The following PDE8B variants were observed in gnomAD, a reference collection of about 807,000 sequenced individuals.
PDE8B encodes high affinity cAMP-specific and IBMX-insensitive 3',5'-cyclic phosphodiesterase 8B.
A neutral mutation model predicts 101.3 loss-of-function variants in PDE8B; 26 were observed. The observed-to-expected ratio is 0.26, with a 90% CI of 0.19 to 0.36. PDE8B has a LOEUF of 0.36. Among genes scored for constraint, PDE8B ranks in the 10% least tolerant of loss-of-function variants. PDE8B has a pLI of 1.00. For synonymous variants in PDE8B, 424 were observed against 429.3 expected (o/e 0.99, Z 0.15); for missense variants, 810 against 1,163.1 (o/e 0.70, Z 4.42).
chr5:77,266,275 T>C (rs1040046083), intron 1 of PDE8B, among the ~76,000 whole-genome samples: 5 of 152,248 alleles, frequency 3.3e-5, no homozygotes. Context: ...CCAGCTGAGA[T>C]CGAACAAGGG....
chr5:77,184,547 G>A, the PDE8B span, among the ~76,000 whole-genome samples: 1 of 152,146 alleles, frequency 6.6e-6, no homozygotes, highest in Non-Finnish European at 1.5e-5. Context: ...CAACAACTTA[G>A]TATGATTTTA....
chr5:77,150,973 C>G, the PDE8B span, among the ~76,000 whole-genome samples: 3 of 152,316 alleles, frequency 2.0e-5, no homozygotes, highest in Admixed American at 6.5e-5. Context: ...AAACAGAGAC[C>G]AGCAGGTAGA....
intron 1 of PDE8B, among the ~76,000 whole-genome samples, chr5:77,260,377 C>G (rs1230220410): frequency 1.3e-5 from 2 of 152,032 alleles, no homozygotes; most frequent in African/African-American, 4.8e-5. Flanking sequence ...AGGCCTTTTC[C>G]TGTAAGGAGC....
At chr5:77,134,808 C>T in the PDE8B span, among the ~76,000 whole-genome samples, 1 of 152,166 alleles carries the variant, frequency 6.6e-6, no homozygotes, top group African/African-American at 2.4e-5. Flanking sequence ...GATCTCAAGA[C>T]AACTGGCGGC....
At chr5:77,377,666 C>T (rs1033658317) in intron 10 of PDE8B, among the ~76,000 whole-genome samples, 2 of 152,186 alleles carry the variant, frequency 1.3e-5, no homozygotes, top group African/African-American at 4.8e-5. Context: ...CCCAAAGAGA[C>T]TGGCATTTGA....
At chr5:77,207,267 T>C (rs912054949), upstream of PDE8B, among the ~76,000 whole-genome samples, 1 of 152,238 alleles carries the variant, frequency 6.6e-6, no homozygotes, top group African/African-American at 2.4e-5. Context: ...AATGTATTAA[T>C]CACATTTTCT....
chr5:77,263,534 G>A (rs1761057370), intron 1 of PDE8B, among the ~76,000 whole-genome samples: 1 of 152,086 alleles, frequency 6.6e-6, no homozygotes, highest in Non-Finnish European at 1.5e-5. Flanking sequence ...GAAATTACAG[G>A]AACCCATCCT....
At chr5:77,158,940 G>A in the PDE8B span, among the ~76,000 whole-genome samples, 1 of 152,188 alleles carries the variant, frequency 6.6e-6, no homozygotes, top group Admixed American at 6.5e-5. Flanking sequence ...ATGGCCCGGT[G>A]ACTCCAGGAG....
chr5:77,402,599 CAT>C lies in PDE8B; in HGVS notation c.1211-2120_1211-2119del, dbSNP rs528442590. Reference sequence around the variant, plus strand: ...GTAGTAGAACAATGTAACATGATCACATGTGTCTAAAGACATATATGCAAATG... The same window carrying C: ...GTAGTAGAACAATGTAACATGATCACGTGTCTAAAGACATATATGCAAATG... On this transcript the variant is annotated intron_variant, in intron 11 of 21. Transcript: ENST00000264917. Among the ~76,000 whole-genome samples the C allele has an allele frequency of 9.9e-3, 1,512 of 152,248 alleles. 17 individuals are homozygous for C. The highest frequency in any genetic ancestry group is 0.017 in the Middle Eastern group (5 of 294).
intron 10 of PDE8B, among the ~76,000 whole-genome samples, chr5:77,378,719 C>T (rs901981851): frequency 2.0e-5 from 3 of 152,084 alleles, no homozygotes; most frequent in African/African-American, 7.2e-5. Flanking sequence ...ATGGGGTGGG[C>T]CCCAGAACTA....
At chr5:77,425,726 T>C (rs761433995) in intron 20 of PDE8B, 41 bp from the exon 21 acceptor site, 3 of 1,606,090 alleles carry the variant, frequency 1.9e-6, no homozygotes, top group Admixed American at 3.3e-5. Flanking sequence ...TGAAAGTGTC[T>C]CGCATGTCCT....
chr5:77,091,329 A>T, the PDE8B span, among the ~76,000 whole-genome samples: 10 of 152,220 alleles, frequency 6.6e-5, no homozygotes, highest in African/African-American at 2.4e-4. Context: ...TCAATAAAAA[A>T]ATGAAAAAGA....
intron 10 of PDE8B, among the ~76,000 whole-genome samples, chr5:77,356,351 C>A (rs967782654): frequency 6.6e-6 from 1 of 152,138 alleles, no homozygotes; most frequent in South Asian, 2.1e-4. Flanking sequence ...GGATCTGCAA[C>A]CATGGTCCAA....
intron 1 of PDE8B, among the ~76,000 whole-genome samples, chr5:77,272,428 C>G (rs958310694): frequency 2.0e-5 from 3 of 152,190 alleles, no homozygotes; most frequent in Non-Finnish European, 4.4e-5. Flanking sequence ...TGTGGTGCCT[C>G]GAACATGTCC....
intron 1 of PDE8B, among the ~76,000 whole-genome samples, chr5:77,212,689 T>C (rs1444318997): frequency 6.6e-6 from 1 of 152,220 alleles, no homozygotes; most frequent in Non-Finnish European, 1.5e-5. Flanking sequence ...AACCTACCAG[T>C]TGCCCATTCG....
chr5:77,411,833 T>C, intron 15 of PDE8B, 112 bp downstream of exon 15: 1 of 877,402 alleles, frequency 1.1e-6, no homozygotes, highest in South Asian at 1.4e-5. Flanking sequence ...CCATTTGAGT[T>C]TAAGCATCAA....
At chr5:77,247,392 G>A (rs1473980276) in intron 1 of PDE8B, among the ~76,000 whole-genome samples, 2 of 152,180 alleles carry the variant, frequency 1.3e-5, no homozygotes, top group African/African-American at 2.4e-5. Flanking sequence ...TGAGGGCCAT[G>A]TCATTCTCAC....
chr5:77,251,189 C>T (rs554613096), intron 1 of PDE8B, among the ~76,000 whole-genome samples: 1 of 152,290 alleles, frequency 6.6e-6, no homozygotes, highest in East Asian at 1.9e-4. Context: ...ACTGACCTTA[C>T]AGCGTTGTCA....
chr5:77,350,600 G>T (rs1364657881), intron 8 of PDE8B, among the ~76,000 whole-genome samples: 1 of 152,036 alleles, frequency 6.6e-6, no homozygotes, highest in East Asian at 1.9e-4. Context: ...ATGTTAGGAA[G>T]ATGATGGGCT....
Sources: allele counts gnomAD v4.1 joint callset (sites outside exome capture counted in the v4.1 genomes callset), GRCh38; gene constraint gnomAD v4.1.1; transcripts MANE v1.5; gene names NCBI Gene and HGNC (gene_info 2026-07-23, HGNC 2026-07-21).